Variants in SMARCA4 observed in about 807,000 individuals in gnomAD.
SMARCA4 encodes SWI/SNF-related matrix-associated actin-dependent regulator of chromatin subfamily A member 4.
SMARCA4 carries 31 observed loss-of-function variants against 193.9 expected under a neutral mutation model. That is an observed-to-expected ratio of 0.16 (90% confidence interval 0.12 to 0.22). The LOEUF (loss-of-function observed/expected upper bound fraction) is 0.22. Ranked by LOEUF, SMARCA4 falls within the 10% of genes least tolerant of loss-of-function variation. The probability of loss-of-function intolerance (pLI) is 1.00; values close to 1 mark genes in which losing one functional copy is unlikely to be tolerated. For missense variants in SMARCA4, 1,148 were observed against 2,296.0 expected, an observed-to-expected ratio of 0.50 and a Z score of 10.22; for synonymous variants, 942 against 933.1, an observed-to-expected ratio of 1.01 and a Z score of -0.17.
At chr19:11,015,623 A>G (rs945005955) in intron 16 of SMARCA4, among the ~76,000 whole-genome samples, 2 of 151,922 alleles carry the variant, frequency 1.3e-5, no homozygotes, top group Admixed American at 1.3e-4. Flanking sequence ...TGAATATCTC[A>G]TTTCTCTTCC....
At chr19:10,968,996 G>A (rs539161556) in intron 1 of SMARCA4, among the ~76,000 whole-genome samples, 7 of 152,178 alleles carry the variant, frequency 4.6e-5, no homozygotes, top group Non-Finnish European at 7.4e-5. Flanking sequence ...GCCCTTCCTC[G>A]ACCTTCAAGG....
At chr19:11,059,666 AGGGCTGGGGCTG>A (rs1221862048) in intron 32 of SMARCA4, 75 bp from the exon 33 acceptor site, 1 of 1,461,236 alleles carries the variant, frequency 6.8e-7, no homozygotes, top group South Asian at 1.2e-5. Flanking sequence ...GGGGCAACAC[AGGGCTGGGGCTG>A]GGGCTGGGGC....
chr19:11,019,264 G>A lies in SMARCA4; in HGVS notation c.2505+241G>A. On this transcript the variant is annotated intron_variant, in intron 17 of 34. Transcript: ENST00000344626. The surrounding 1 kb of genome is among the most constrained non-coding windows in gnomAD (Gnocchi z 6.1). The stretch of plus-strand genomic sequence containing the variant: ...TGAGCATGGTGGCCAGCACTCAGAG[G>A]CCAGCTCAGGCGCCTGAGATGGGGA... The A allele has an allele frequency of 1.6e-6, 1 of 621,272 alleles. No homozygotes were observed. The highest frequency in any genetic ancestry group is 2.5e-5 in the Admixed American group (1 of 40,614). 38.5% of individuals were successfully genotyped at this position (621,272 alleles called of 1,614,324 possible).
In SMARCA4 at chr19:11,060,113, C is replaced by A. The variant is rs1370639203; in HGVS notation, c.4837C>A (p.Arg1613=). The A allele has an allele frequency of 1.9e-6, 3 of 1,551,010 alleles. No individual in the cohort carries two copies. The East Asian group carries it at 7.3e-5, about 38-fold the overall frequency. The change falls in exon 34 of 35, where the codon CGG becomes AGG. Residue 1613 remains arginine (R), a synonymous_variant. Coordinates refer to ENST00000344626, the MANE Select transcript of SMARCA4 (RefSeq NM_003072.5). The part of the protein sequence containing the change: ...EKAQDRLKGG[R]RRPSRGSRAK... The stretch of plus-strand genomic sequence containing the variant: ...GGCACAGGACCGGCTGAAGGGCGGC[C>A]GGCGGCGGCCGAGCCGAGGGTCCCG...
intron 30 of SMARCA4, among the ~76,000 whole-genome samples, chr19:11,046,140 G>A (rs1007791962): frequency 1.1e-3 from 166 of 151,632 alleles, no homozygotes; most frequent in Non-Finnish European, 2.0e-3. Context: ...GGAGAATGGC[G>A]TGAACCCGGG....
At chr19:11,005,407 C>T (rs1271559885) in intron 13 of SMARCA4, among the ~76,000 whole-genome samples, 1 of 152,172 alleles carries the variant, frequency 6.6e-6, no homozygotes, top group African/African-American at 2.4e-5. Context: ...ACTTAGTGGT[C>T]ATCCAAAGAT....
intron 7 of SMARCA4, among the ~76,000 whole-genome samples, chr19:10,990,312 C>T (rs115810389): frequency 0.033 from 5,057 of 152,036 alleles, 127 homozygotes; most frequent in Non-Finnish European, 0.041. Context: ...ACCACCATGC[C>T]GGGCTGATTT....
chr19:11,050,299 G>A (rs989133029), intron 30 of SMARCA4, among the ~76,000 whole-genome samples: 11 of 152,220 alleles, frequency 7.2e-5, no homozygotes, highest in Admixed American at 5.2e-4. Context: ...GGGCCCTCTG[G>A]GTTCCATTCC....
At chr19:10,991,871 G>A (rs2086590525) in intron 8 of SMARCA4, among the ~76,000 whole-genome samples, 1 of 152,124 alleles carries the variant, frequency 6.6e-6, no homozygotes, top group African/African-American at 2.4e-5. Flanking sequence ...GAGGATTTGG[G>A]CTTTTGCTCT....
intron 8 of SMARCA4, among the ~76,000 whole-genome samples, chr19:10,993,132 T>G (rs147178778): frequency 0.029 from 4,412 of 151,968 alleles, 100 homozygotes; most frequent in Non-Finnish European, 0.041. Flanking sequence ...ATTACAGGTG[T>G]GCACCACCAC....
In SMARCA4 at chr19:10,979,671, A is replaced by G. The variant is rs527915438; in HGVS notation, c.-31-4450A>G. On this transcript the variant is annotated intron_variant, in intron 1 of 34. Transcript: ENST00000344626. ...TATGACCCACTGCCCCCAACATTATATTATTTATATGTTACATATATTATA... is the reference window on the plus strand; with the variant it reads ...TATGACCCACTGCCCCCAACATTATGTTATTTATATGTTACATATATTATA... 1.6e-3 allele frequency among the ~76,000 whole-genome samples: 240 copies of G among 150,436 alleles called. 1 individual carries two copies. The Middle Eastern group carries it at 0.018, about 11-fold the overall frequency.
intron 13 of SMARCA4, among the ~76,000 whole-genome samples, chr19:11,004,347 C>T (rs1156547136): frequency 6.6e-6 from 1 of 151,928 alleles, no homozygotes; most frequent in East Asian, 1.9e-4. Flanking sequence ...CTCCCGGGTT[C>T]AAGTGATTCT....
chr19:11,056,770 A>G (rs1253922244), intron 30 of SMARCA4, among the ~76,000 whole-genome samples: 1 of 152,196 alleles, frequency 6.6e-6, no homozygotes, highest in African/African-American at 2.4e-5. Flanking sequence ...AACACCAAAC[A>G]AGCAGGAGGC....
chr19:11,017,116 A>G (rs1852568117), intron 16 of SMARCA4, among the ~76,000 whole-genome samples: 1 of 152,198 alleles, frequency 6.6e-6, no homozygotes, highest in South Asian at 2.1e-4. Flanking sequence ...TTCTGTGTTA[A>G]GCTGAACGTG....
At chr19:10,965,564 G>C (rs1158639646) in intron 1 of SMARCA4, among the ~76,000 whole-genome samples, 1 of 152,174 alleles carries the variant, frequency 6.6e-6, no homozygotes, top group Non-Finnish European at 1.5e-5. Flanking sequence ...GATGCATTCT[G>C]AGGAATGCGT....
chr19:10,976,753 C>CAG (rs528654583), intron 1 of SMARCA4, among the ~76,000 whole-genome samples: 1 of 125,304 alleles, frequency 8.0e-6, no homozygotes, highest in Non-Finnish European at 1.7e-5. Flanking sequence ...GACCCTGTCT[C>CAG]AAAAAAAAAA....
chr19:10,980,689 A>T (rs2085491399), intron 1 of SMARCA4: 2 of 152,002 alleles, frequency 1.3e-5, no homozygotes, highest in Admixed American at 1.3e-4. Flanking sequence ...TTCCCAGTGT[A>T]TGCTCGTTGG....
rs2075621804 is a variant in SMARCA4, at chr19:11,041,644, C to A, written c.4424+84C>A. ...CATCTGCACTCTGACTCTGCACACT[C>A]AGGCTTGGGCCGCTCACTCTTTCAC... is the stretch of plus-strand genomic sequence containing the variant. On this transcript the variant is annotated intron_variant, in intron 30 of 34. Transcript: ENST00000344626. This position sits in a 1 kb window ranked among gnomAD's most constrained non-coding sequence, Gnocchi z 5.6. 2 of 1,232,958 alleles carry A rather than the reference C, an allele frequency of 1.6e-6. No homozygotes were observed. The highest frequency in any genetic ancestry group is 2.3e-6 in the Non-Finnish European group (2 of 863,954). 76.4% of individuals were successfully genotyped at this position (1,232,958 alleles called of 1,614,324 possible).
At chr19:11,052,707 A>G (rs150508079) in intron 30 of SMARCA4, among the ~76,000 whole-genome samples, 3 of 152,332 alleles carry the variant, frequency 2.0e-5, no homozygotes, top group African/African-American at 7.2e-5. Context: ...TGATGAATTC[A>G]GAAAAGAGCG....
Sources: gnomAD v4.1 joint callset for allele counts (sites outside exome capture counted in the v4.1 genomes callset) on GRCh38, gnomAD v4.1.1 for gene constraint, Gnocchi (gnomAD v3.1) non-coding constraint, MANE v1.5 for transcripts, NCBI Gene and HGNC (gene_info 2026-07-23, HGNC 2026-07-21) for gene names.